RBFOX1: variants seen among roughly 807,000 people sequenced by gnomAD.
RBFOX1 encodes the protein RNA binding protein fox-1 homolog 1.
Under a neutral mutation model 57.7 loss-of-function variants are expected in RBFOX1, and 8 were observed. The ratio of observed to expected loss-of-function variants is 0.14; its 90% CI spans 0.08 to 0.25. The LOEUF (loss-of-function observed/expected upper bound fraction) is 0.25. RBFOX1 is among the 10% of genes least tolerant of loss of function. The pLI, the probability that RBFOX1 is intolerant of heterozygous loss-of-function variation, is 1.00. For synonymous variants in RBFOX1, 326 were observed against 222.4 expected, an observed-to-expected ratio of 1.47 and a Z score of -4.15; for missense variants, 611 against 548.5, an observed-to-expected ratio of 1.11 and a Z score of -1.14.
At chr16:7,702,254 C>G (rs954461156) in intron 14 of RBFOX1, among the ~76,000 whole-genome samples, 2 of 152,146 alleles carry the variant, frequency 1.3e-5, no homozygotes, top group Non-Finnish European at 2.9e-5. Flanking sequence ...CTGAGGTGTC[C>G]TAAGCTCGGA....
At chr16:5,925,950 C>G (rs1194488620) in intron 4 of RBFOX1, among the ~76,000 whole-genome samples, 1 of 152,122 alleles carries the variant, frequency 6.6e-6, no homozygotes. Context: ...CATGCAGTGG[C>G]CTTCCTTACC....
intron 3 of RBFOX1, among the ~76,000 whole-genome samples, chr16:6,939,383 ATGTG>A (rs139095238): frequency 2.0e-5 from 3 of 149,364 alleles, no homozygotes; most frequent in Non-Finnish European, 4.5e-5. Context: ...ATATATGTGT[ATGTG>A]TGTGTGTGTG....
intron 1 of RBFOX1, among the ~76,000 whole-genome samples, chr16:6,138,138 C>A (rs753692145): frequency 6.6e-6 from 1 of 152,174 alleles, no homozygotes; most frequent in Non-Finnish European, 1.5e-5. Context: ...CTAGTTCTAT[C>A]GTTAATATTG....
Position 5,543,853 on chromosome 16 carries a change from T to G in RBFOX1, c.259-55049T>G, listed in dbSNP as rs575315254. Among the ~76,000 whole-genome samples, 12 of 152,144 alleles carry G rather than the reference T, an allele frequency of 7.9e-5. No individual in the cohort carries two copies. The East Asian group carries it at 2.3e-3, about 29-fold the overall frequency. ...TGACAGTGTATTTTTTGGTCAGAAA[T>G]AATTCAAGTGTAAAGATAGGGAGTA... On this transcript the variant is annotated intron_variant, in intron 2 of 2. Transcript: ENST00000585867.
intron 1 of RBFOX1, among the ~76,000 whole-genome samples, chr16:6,215,822 C>G (rs1406506567): frequency 6.6e-6 from 1 of 152,134 alleles, no homozygotes; most frequent in Non-Finnish European, 1.5e-5. Flanking sequence ...GCATAAACAT[C>G]CCAATGGGTT....
chr16:7,328,631 T>C (rs2096644857), intron 4 of RBFOX1: 1 of 151,294 alleles, frequency 6.6e-6, no homozygotes, highest in Non-Finnish European at 1.5e-5. Flanking sequence ...GGAAGAATTT[T>C]TTTTTTTTTT....
At chr16:6,295,682 A>G (rs1201669737) in intron 1 of RBFOX1, among the ~76,000 whole-genome samples, 1 of 152,164 alleles carries the variant, frequency 6.6e-6, no homozygotes, top group Non-Finnish European at 1.5e-5. Context: ...GAAGCTGGTG[A>G]TCCAGTGTGT....
At chr16:5,778,462 C>G (rs2054218416) in intron 3 of RBFOX1, among the ~76,000 whole-genome samples, 2 of 152,178 alleles carry the variant, frequency 1.3e-5, no homozygotes, top group South Asian at 4.1e-4. Context: ...ATTATTCAAA[C>G]AAAGCAGTCA....
chr16:5,580,073 C>T (rs1292077504), intron 2 of RBFOX1, among the ~76,000 whole-genome samples: 1 of 152,272 alleles, frequency 6.6e-6, no homozygotes, highest in South Asian at 2.1e-4. Context: ...GCCCAGCTGG[C>T]AGTTAATTCT....
At chr16:7,607,780 T>C (rs2056626876) in intron 10 of RBFOX1, among the ~76,000 whole-genome samples, 3 of 152,244 alleles carry the variant, frequency 2.0e-5, no homozygotes, top group Admixed American at 2.0e-4. Flanking sequence ...GGGAGTGATT[T>C]AGAATTGCCA....
intron 2 of RBFOX1, among the ~76,000 whole-genome samples, chr16:6,532,718 C>T (rs2096676235): frequency 6.6e-6 from 1 of 152,140 alleles, no homozygotes; most frequent in African/African-American, 2.4e-5. Flanking sequence ...TTGCACTGGA[C>T]TCCATTCCCA....
rs74467034 is a variant in RBFOX1 at position 7,347,991 on chromosome 16, G to C, written c.28-170156G>C. On this transcript the variant is annotated intron_variant, in intron 4 of 15. Coordinates refer to ENST00000550418, the MANE Select transcript of RBFOX1 (RefSeq NM_018723.4). The stretch of plus-strand genomic sequence containing the variant: ...TTTGTAGAAAGCAAGGCCCACCTTG[G>C]TGCCAGTCTTAACGAGCAGTCAATT... Among the ~76,000 whole-genome samples, 627 of 152,274 alleles carry C rather than the reference G, an allele frequency of 4.1e-3. 1 individual carries two copies. The highest frequency in any genetic ancestry group is 0.014 in the African/African-American group (584 of 41,532).
At chr16:5,777,644 A>C (rs539625971) in intron 3 of RBFOX1, among the ~76,000 whole-genome samples, 1 of 152,202 alleles carries the variant, frequency 6.6e-6, no homozygotes, top group Non-Finnish European at 1.5e-5. Flanking sequence ...AAGCGGAATA[A>C]TGCTAGTACA....
intron 4 of RBFOX1, among the ~76,000 whole-genome samples, chr16:7,378,867 A>G (rs1230707939): frequency 6.6e-6 from 1 of 152,166 alleles, no homozygotes; most frequent in African/African-American, 2.4e-5. Flanking sequence ...GGGGTAGTGT[A>G]TTATTAAGTG....
At chr16:7,433,335 GTC>G (rs2098696994) in intron 4 of RBFOX1, among the ~76,000 whole-genome samples, 1 of 152,218 alleles carries the variant, frequency 6.6e-6, no homozygotes, top group African/African-American at 2.4e-5. Context: ...AAAGGCAGTA[GTC>G]TCTCTAAAGG....
intron 4 of RBFOX1, among the ~76,000 whole-genome samples, chr16:7,312,756 C>T (rs2096345728): frequency 6.6e-6 from 1 of 152,190 alleles, no homozygotes; most frequent in Non-Finnish European, 1.5e-5. Context: ...AATCACACTG[C>T]AGGGCCTTCA....
At chr16:5,464,427 C>T (rs1370066144) in intron 1 of RBFOX1, among the ~76,000 whole-genome samples, 4 of 152,154 alleles carry the variant, frequency 2.6e-5, no homozygotes, top group East Asian at 1.9e-4. Flanking sequence ...AGAGGGGACA[C>T]GACAGAGCTT....
intron 1 of RBFOX1, among the ~76,000 whole-genome samples, chr16:6,114,932 C>G (rs887167417): frequency 5.3e-5 from 8 of 152,214 alleles, no homozygotes; most frequent in Non-Finnish European, 1.0e-4. Flanking sequence ...TATATTTACA[C>G]TGACTTAGAC....
intron 1 of RBFOX1, among the ~76,000 whole-genome samples, chr16:5,274,706 C>A (rs371695182): frequency 2.6e-5 from 4 of 152,124 alleles, no homozygotes; most frequent in African/African-American, 9.7e-5. Flanking sequence ...GTTATTTTGC[C>A]TAGACTATGG....
Sources: gnomAD v4.1 joint callset for allele counts (sites outside exome capture counted in the v4.1 genomes callset) on GRCh38, gnomAD v4.1.1 for gene constraint, MANE v1.5 for transcripts, NCBI Gene and HGNC (gene_info 2026-07-23, HGNC 2026-07-21) for gene names.